The following ABLIM1 variants were observed in gnomAD, a reference collection of about 807,000 sequenced individuals.
ABLIM1 encodes actin-binding LIM protein 1.
ABLIM1 carries 40 observed loss-of-function variants against 107.0 expected under a neutral mutation model. The observed-to-expected ratio is 0.37, with a 90% confidence interval of 0.29 to 0.49. The LOEUF (loss-of-function observed/expected upper bound fraction) is 0.49, where lower values mean the gene tolerates loss of function less well. Among genes scored for constraint, ABLIM1 ranks in the 20% least tolerant of loss-of-function variants. ABLIM1 has a pLI of 0.97. For synonymous variants in ABLIM1, 357 were observed against 357.3 expected (o/e 1.00, Z 0.01); for missense variants, 857 against 1,008.5 (o/e 0.85, Z 2.04).
At chr10:114,590,350 C>T (rs140918472) in intron 2 of ABLIM1, among the ~76,000 whole-genome samples, 244 of 152,204 alleles carry the variant, frequency 1.6e-3, no homozygotes, top group African/African-American at 5.8e-3. Context: ...AGATGCTGAC[C>T]GTGAGACTGG....
intron 1 of ABLIM1, among the ~76,000 whole-genome samples, chr10:114,648,012 T>C (rs1194962674): frequency 6.6e-6 from 1 of 152,208 alleles, no homozygotes; most frequent in Non-Finnish European, 1.5e-5. Context: ...TTTGTGTACA[T>C]ATGGGAAAAC....
At chr10:114,475,903 G>T (rs2056305704) in intron 8 of ABLIM1, among the ~76,000 whole-genome samples, 1 of 152,172 alleles carries the variant, frequency 6.6e-6, no homozygotes, top group African/African-American at 2.4e-5. Flanking sequence ...GTAACTTATA[G>T]TTCTACAATA....
At chr10:114,787,000 G>A in the ABLIM1 span, among the ~76,000 whole-genome samples, 3 of 150,174 alleles carry the variant, frequency 2.0e-5, no homozygotes, top group African/African-American at 4.9e-5. Flanking sequence ...TGCCCAGTCT[G>A]GAAAGTGAGG....
At chr10:114,570,575 A>T (rs1192599992) in intron 4 of ABLIM1, among the ~76,000 whole-genome samples, 1 of 141,710 alleles carries the variant, frequency 7.1e-6, no homozygotes, top group African/African-American at 2.6e-5. Context: ...TCTGGGTCAC[A>T]TGGTAGTTCT....
intron 1 of ABLIM1, among the ~76,000 whole-genome samples, chr10:114,673,892 A>C (rs1349751903): frequency 6.6e-6 from 1 of 152,162 alleles, no homozygotes; most frequent in East Asian, 1.9e-4. Flanking sequence ...AAAATAAAAG[A>C]CTATTGAGAA....
At chr10:114,655,562 CAT>C (rs796585617) in intron 1 of ABLIM1, among the ~76,000 whole-genome samples, 15 of 152,306 alleles carry the variant, frequency 9.8e-5, no homozygotes, top group African/African-American at 3.1e-4. Context: ...CAGAAATCTA[CAT>C]GTTTCATTTT....
At chr10:114,732,583 A>G (rs1174319620) in intron 1 of ABLIM1, among the ~76,000 whole-genome samples, 5 of 152,186 alleles carry the variant, frequency 3.3e-5, no homozygotes, top group African/African-American at 4.8e-5. Flanking sequence ...GATGAAATCT[A>G]TTCCATTTAT....
At position 114,571,423 on chromosome 10, in the gene ABLIM1, A is replaced by G. The variant is rs1273624229; in HGVS notation, c.564-17T>C. On this transcript the variant is annotated splice_polypyrimidine_tract_variant and intron_variant, in intron 3 of 22. Transcript: ENST00000533213. Reference sequence around the variant, plus strand: ...AACGGGCGCCTGGAGGCAGAAAGACATCGCCCTCAAGGTTATTGCAGCAAT... The same window carrying G: ...AACGGGCGCCTGGAGGCAGAAAGACGTCGCCCTCAAGGTTATTGCAGCAAT... 4 of 1,609,820 alleles carry G rather than the reference A, an allele frequency of 2.5e-6. No individual in the cohort carries two copies. The highest frequency in any genetic ancestry group is 3.4e-6 in the Non-Finnish European group (4 of 1,176,040).
intron 6 of ABLIM1, among the ~76,000 whole-genome samples, chr10:114,494,258 C>A (rs142322125): frequency 6.6e-6 from 1 of 152,188 alleles, no homozygotes; most frequent in Non-Finnish European, 1.5e-5. Context: ...CCAGTCTGGG[C>A]GTGGTGGCTC....
chr10:114,746,730 CT>C lies in ABLIM1; in HGVS notation c.-213+21330del, dbSNP rs970870841. On this transcript the variant is annotated intron_variant, in intron 1 of 15. Coordinates refer to the ABLIM1 transcript ENST00000651092. Reference sequence around the variant, plus strand: ...ATCCTCACCAACGCTCATCTTCTGTCTTTTTGATAACAGCTATTCTAACAGG... The same window carrying C: ...ATCCTCACCAACGCTCATCTTCTGTCTTTTGATAACAGCTATTCTAACAGG... Among the ~76,000 whole-genome samples, 6 of 152,314 alleles carry C rather than the reference CT, an allele frequency of 3.9e-5. 1 individual carries two copies. The highest frequency in any genetic ancestry group is 3.9e-4 in the Admixed American group (6 of 15,298).
intron 6 of ABLIM1, among the ~76,000 whole-genome samples, chr10:114,496,459 C>T (rs766652715): frequency 8.7e-5 from 13 of 150,000 alleles, no homozygotes; most frequent in Admixed American, 2.0e-4. Flanking sequence ...TGAGAACACA[C>T]GGACACAGGG....
At chr10:114,622,462 G>A (rs1156861299) in intron 1 of ABLIM1, among the ~76,000 whole-genome samples, 1 of 151,816 alleles carries the variant, frequency 6.6e-6, no homozygotes, top group African/African-American at 2.4e-5. Flanking sequence ...GAGAGACAGG[G>A]TCTCACACTT....
At chr10:114,741,505 G>A (rs139812792) in intron 1 of ABLIM1, among the ~76,000 whole-genome samples, 362 of 152,092 alleles carry the variant, frequency 2.4e-3, no homozygotes, top group African/African-American at 8.0e-3. Context: ...GATTACAGGC[G>A]TGAGCCACCT....
chr10:114,780,182 G>T, the ABLIM1 span, among the ~76,000 whole-genome samples: 2 of 152,136 alleles, frequency 1.3e-5, no homozygotes, highest in African/African-American at 2.4e-5. Context: ...AGGAATTTTG[G>T]CCTGAGTTGC....
chr10:114,494,516 C>T lies in ABLIM1; in HGVS notation c.895-2638G>A, dbSNP rs575642008. 2.6e-5 allele frequency among the ~76,000 whole-genome samples: 4 copies of T among 152,248 alleles called. No homozygotes were observed. The East Asian group carries it at 5.8e-4, about 22-fold the overall frequency. On this transcript the variant is annotated intron_variant, in intron 6 of 22. Transcript: ENST00000533213. ...TGCCACTGCACTCCAGCCTGGGTGA[C>T]AGAGCAAGAGTCCATCTCAAAAGCA...
chr10:114,559,362 G>A (rs1340265322), intron 4 of ABLIM1, among the ~76,000 whole-genome samples: 1 of 146,348 alleles, frequency 6.8e-6, no homozygotes, highest in Non-Finnish European at 1.5e-5. Flanking sequence ...CAGCTACTCA[G>A]GACGCTGAGG....
intron 1 of ABLIM1, among the ~76,000 whole-genome samples, chr10:114,637,145 G>T (rs12146316): frequency 0.071 from 10,758 of 151,740 alleles, 456 homozygotes; most frequent in South Asian, 0.12. Flanking sequence ...AGGTCTGACT[G>T]ATAACTCAGA....
chr10:114,477,812 C>T (rs1590176957), intron 8 of ABLIM1, among the ~76,000 whole-genome samples: 1 of 152,244 alleles, frequency 6.6e-6, no homozygotes, highest in Non-Finnish European at 1.5e-5. Flanking sequence ...GCAACCTCTG[C>T]CTCCCAGGTT....
chr10:114,562,557 T>C (rs1272307349), intron 4 of ABLIM1, among the ~76,000 whole-genome samples: 5 of 152,096 alleles, frequency 3.3e-5, no homozygotes, highest in Admixed American at 1.3e-4. Context: ...CAAACAAACA[T>C]GTTTTGATTC....
Sources: allele counts gnomAD v4.1 joint callset (sites outside exome capture counted in the v4.1 genomes callset), GRCh38; gene constraint gnomAD v4.1.1; transcripts MANE v1.5; gene names NCBI Gene and HGNC (gene_info 2026-07-23, HGNC 2026-07-21).